Variants in SLC14A2 observed in about 807,000 individuals in gnomAD.
SLC14A2 encodes the protein urea transporter 2.
SLC14A2 carries 91 observed loss-of-function variants against 104.6 expected under a neutral mutation model. The observed-to-expected ratio is 0.87, with a 90% CI of 0.73 to 1.04. The LOEUF (loss-of-function observed/expected upper bound fraction) is 1.04, where lower values mean the gene tolerates loss of function less well. Among genes scored for constraint, SLC14A2 ranks in the 50% least tolerant of loss-of-function variants. SLC14A2 has a pLI of 0.00. For synonymous variants in SLC14A2, 476 were observed against 466.4 expected, an observed-to-expected ratio of 1.02 and a Z score of -0.27; for missense variants, 1,189 against 1,156.0, an observed-to-expected ratio of 1.03 and a Z score of -0.41.
At chr18:45,509,487 C>A (rs955808233) in intron 2 of SLC14A2, among the ~76,000 whole-genome samples, 1 of 151,946 alleles carries the variant, frequency 6.6e-6, no homozygotes, top group African/African-American at 2.4e-5. Context: ...AGCCTCAGTT[C>A]TAGTTTATTA....
chr18:45,441,194 T>C (rs1200894554), intron 1 of SLC14A2, among the ~76,000 whole-genome samples: 1 of 152,094 alleles, frequency 6.6e-6, no homozygotes, highest in East Asian at 1.9e-4. Flanking sequence ...CTCAGAAAAA[T>C]AACAAGGTGC....
intron 1 of SLC14A2, among the ~76,000 whole-genome samples, chr18:45,284,002 A>G (rs2084789176): frequency 6.6e-6 from 1 of 152,240 alleles, no homozygotes; most frequent in African/African-American, 2.4e-5. Context: ...TATTGATTAC[A>G]CATTCAAATG....
At chr18:45,548,311 G>A (rs1271210566) in intron 2 of SLC14A2, among the ~76,000 whole-genome samples, 1 of 152,220 alleles carries the variant, frequency 6.6e-6, no homozygotes, top group African/African-American at 2.4e-5. Flanking sequence ...ACAGGAAGAA[G>A]ACTTCCTTCA....
At chr18:45,562,885 T>C (rs116010921) in intron 2 of SLC14A2, among the ~76,000 whole-genome samples, 2,719 of 152,324 alleles carry the variant, frequency 0.018, 84 homozygotes, top group African/African-American at 0.062. Flanking sequence ...CTCTGGTCCC[T>C]CTGCAAGCGG....
chr18:45,235,605 C>T (rs971996835), intron 1 of SLC14A2, among the ~76,000 whole-genome samples: 3 of 151,844 alleles, frequency 2.0e-5, no homozygotes. Context: ...CCAGTAGCTA[C>T]TATTCTACTC....
chr18:45,243,625 T>A (rs1408568238), intron 1 of SLC14A2, among the ~76,000 whole-genome samples: 2 of 152,226 alleles, frequency 1.3e-5, no homozygotes, highest in African/African-American at 4.8e-5. Context: ...TGTAAATGTA[T>A]TCCGAGTTTT....
intron 7 of SLC14A2, among the ~76,000 whole-genome samples, chr18:45,640,640 T>C (rs912136137): frequency 1.3e-5 from 2 of 152,214 alleles, no homozygotes; most frequent in African/African-American, 4.8e-5. Context: ...TTCAAAGATT[T>C]TTTTGGAAGC....
At chr18:45,451,305 G>T (rs2086854177) in intron 1 of SLC14A2, among the ~76,000 whole-genome samples, 1 of 152,078 alleles carries the variant, frequency 6.6e-6, no homozygotes, top group Non-Finnish European at 1.5e-5. Flanking sequence ...GGAGCAAGAA[G>T]TTGAAGATAC....
chr18:45,434,367 A>G (rs1334517894), intron 1 of SLC14A2, among the ~76,000 whole-genome samples: 1 of 152,184 alleles, frequency 6.6e-6, no homozygotes, highest in Non-Finnish European at 1.5e-5. Context: ...AACAATAAAA[A>G]CTGTTAACAA....
intron 1 of SLC14A2, among the ~76,000 whole-genome samples, chr18:45,417,458 G>A (rs973042475): frequency 6.6e-6 from 1 of 152,192 alleles, no homozygotes; most frequent in African/African-American, 2.4e-5. Flanking sequence ...TACAATCGTG[G>A]CAGAAGAGGA....
chr18:45,394,712 G>T lies in SLC14A2; in HGVS notation c.-124-88521G>T, dbSNP rs139382651. On this transcript the variant is annotated intron_variant, in intron 1 of 20. Transcript: ENST00000586448. ...TTTAATCTAGTTATTTGGGTTTTTT[G>T]TTGTTGTTGTTGAGTTGTAGGAGTT... 2.1e-3 allele frequency among the ~76,000 whole-genome samples: 310 copies of T among 149,788 alleles called. 4 individuals carry two copies. The East Asian group carries it at 0.028, about 14-fold the overall frequency.
At chr18:45,546,434 A>G (rs1385952684) in intron 2 of SLC14A2, among the ~76,000 whole-genome samples, 1 of 152,214 alleles carries the variant, frequency 6.6e-6, no homozygotes, top group East Asian at 1.9e-4. Flanking sequence ...TGCAAACGAA[A>G]TTGAATCTCT....
At chr18:45,535,731 G>A (rs920329718) in intron 2 of SLC14A2, among the ~76,000 whole-genome samples, 3 of 152,072 alleles carry the variant, frequency 2.0e-5, no homozygotes, top group Non-Finnish European at 4.4e-5. Flanking sequence ...TTAATCTTTC[G>A]GGGTCACTTT....
chr18:45,470,421 T>C (rs1186690400), intron 1 of SLC14A2, among the ~76,000 whole-genome samples: 2 of 152,244 alleles, frequency 1.3e-5, no homozygotes, highest in Non-Finnish European at 2.9e-5. Context: ...TTATTTTGAC[T>C]GATACATTTT....
intron 2 of SLC14A2, among the ~76,000 whole-genome samples, chr18:45,583,800 T>G (rs1273411502): frequency 6.6e-6 from 1 of 151,986 alleles, no homozygotes; most frequent in African/African-American, 2.4e-5. Flanking sequence ...CTGTGGTTGA[T>G]TTCACACTAC....
intron 2 of SLC14A2, among the ~76,000 whole-genome samples, chr18:45,553,015 A>G (rs762624116): frequency 3.3e-5 from 5 of 152,168 alleles, no homozygotes; most frequent in Non-Finnish European, 1.5e-5. Context: ...GCTCAGGCTA[A>G]GGTAGCAATG....
At chr18:45,236,777 T>C (rs1430875980) in intron 1 of SLC14A2, among the ~76,000 whole-genome samples, 1 of 152,146 alleles carries the variant, frequency 6.6e-6, no homozygotes, top group Non-Finnish European at 1.5e-5. Flanking sequence ...TGGCTATATA[T>C]GCAGTAGTGG....
the SLC14A2 span, among the ~76,000 whole-genome samples, chr18:45,180,821 T>G: frequency 6.6e-6 from 1 of 152,102 alleles, no homozygotes; most frequent in African/African-American, 2.4e-5. Flanking sequence ...CTGGGACATA[T>G]AAAATCAAAC....
chr18:45,363,152 C>G (rs542633841), intron 1 of SLC14A2, among the ~76,000 whole-genome samples: 3 of 152,256 alleles, frequency 2.0e-5, no homozygotes, highest in Non-Finnish European at 4.4e-5. Context: ...CTCCAAAATA[C>G]CTTGAATAGT....
Sources: gnomAD v4.1 joint callset for allele counts (sites outside exome capture counted in the v4.1 genomes callset) on GRCh38, gnomAD v4.1.1 for gene constraint, MANE v1.5 for transcripts, NCBI Gene and HGNC (gene_info 2026-07-23, HGNC 2026-07-21) for gene names.